The following CTNNA2 variants were observed in gnomAD, a reference collection of about 807,000 sequenced individuals.
The protein encoded by CTNNA2 is catenin alpha-2.
CTNNA2 carries 42 observed loss-of-function variants against 101.0 expected under a neutral mutation model. That is an observed-to-expected ratio of 0.42 (90% CI 0.32 to 0.54). CTNNA2 has a LOEUF of 0.54. Among genes scored for constraint, CTNNA2 ranks in the 20% least tolerant of loss-of-function variants. The pLI is 0.14. For missense variants in CTNNA2, 871 were observed against 1,223.1 expected (o/e 0.71, Z 4.29); for synonymous variants, 450 against 456.4 (o/e 0.99, Z 0.18).
chr2:79,602,352 A>T (rs184441271), intron 1 of CTNNA2, among the ~76,000 whole-genome samples: 3 of 149,592 alleles, frequency 2.0e-5, no homozygotes, highest in Admixed American at 1.3e-4. Context: ...TTCATGATTT[A>T]AAAAAAAAAC....
intron 9 of CTNNA2, among the ~76,000 whole-genome samples, chr2:80,498,963 C>A (rs541134340): frequency 6.6e-6 from 1 of 152,234 alleles, no homozygotes; most frequent in East Asian, 1.9e-4. Context: ...TCACACATAA[C>A]CCAGATGCAC....
At chr2:79,679,507 G>A (rs147618890) in intron 2 of CTNNA2, among the ~76,000 whole-genome samples, 38 of 151,968 alleles carry the variant, frequency 2.5e-4, no homozygotes, top group Admixed American at 1.0e-3. Flanking sequence ...TGGAGTCTCT[G>A]CCCTGTTCCC....
At chr2:80,569,932 G>T (rs901127771) in intron 12 of CTNNA2, among the ~76,000 whole-genome samples, 6 of 151,970 alleles carry the variant, frequency 3.9e-5, no homozygotes, top group Admixed American at 1.3e-4. Context: ...ATGAGCCAAG[G>T]CGCCTGGCCT....
chr2:80,225,105 C>T (rs1708802314), intron 7 of CTNNA2, among the ~76,000 whole-genome samples: 1 of 152,136 alleles, frequency 6.6e-6, no homozygotes, highest in African/African-American at 2.4e-5. Context: ...CCATGAGTGG[C>T]CCCACCAGTG....
At position 80,302,049 on chromosome 2, in the gene CTNNA2, GT is replaced by G. The variant is rs1235087005; in HGVS notation, c.1057-91156del. On this transcript the variant is annotated intron_variant, in intron 7 of 18. Transcript: ENST00000402739. The surrounding 1 kb of genome is among the most constrained non-coding windows in gnomAD (Gnocchi z 6.4). ...ACTGTCCTGAAGGTTGTGGGGTGGGGTTTTTTGTTGTGTTTTAATTCGCTTT... is the reference window on the plus strand; with the variant it reads ...ACTGTCCTGAAGGTTGTGGGGTGGGGTTTTTGTTGTGTTTTAATTCGCTTT... The G allele has an allele frequency of 4.6e-6, 3 of 647,178 alleles. No individual in the cohort carries two copies. The highest frequency in any genetic ancestry group is 1.8e-5 in the African/African-American group (1 of 54,986). 40.1% of individuals were successfully genotyped at this position (647,178 alleles called of 1,614,324 possible).
exon 4 of CTNNA2, chr2:79,373,952 G>C (rs1358910800): frequency 1.3e-5 from 2 of 152,126 alleles, no homozygotes; most frequent in Non-Finnish European, 1.5e-5. Context: ...CAGAATGAAC[G>C]TCAGAAGCAA....
chr2:80,006,359 TAAAAAA>T (rs5832428), intron 7 of CTNNA2, among the ~76,000 whole-genome samples: 1 of 139,054 alleles, frequency 7.2e-6, no homozygotes, highest in African/African-American at 2.7e-5. Context: ...AGAAGTGCAG[TAAAAAA>T]AAAAAAAAAG....
intron 9 of CTNNA2, among the ~76,000 whole-genome samples, chr2:80,421,820 A>C (rs1004483269): frequency 3.4e-4 from 52 of 151,292 alleles, no homozygotes; most frequent in African/African-American, 1.3e-3. Context: ...AAAAAAAAAA[A>C]CCCAAACTTG....
intron 9 of CTNNA2, among the ~76,000 whole-genome samples, chr2:80,537,452 G>A (rs1691139860): frequency 6.6e-6 from 1 of 152,178 alleles, no homozygotes; most frequent in Non-Finnish European, 1.5e-5. Context: ...TAATGGAATT[G>A]CTGAGTCAAA....
chr2:79,773,912 T>C (rs146806478), intron 3 of CTNNA2, among the ~76,000 whole-genome samples: 2 of 152,302 alleles, frequency 1.3e-5, no homozygotes, highest in African/African-American at 4.8e-5. Context: ...TTTGGGTTAG[T>C]GTAAAATCTT....
At chr2:79,194,309 T>G (rs1337167775) in intron 1 of CTNNA2, among the ~76,000 whole-genome samples, 1 of 152,164 alleles carries the variant, frequency 6.6e-6, no homozygotes, top group Non-Finnish European at 1.5e-5. Context: ...TTCAAGGGAT[T>G]GCAAGAAGGT....
intron 1 of CTNNA2, among the ~76,000 whole-genome samples, chr2:79,650,882 C>T (rs1379980781): frequency 2.7e-5 from 4 of 147,908 alleles, no homozygotes; most frequent in South Asian, 2.1e-4. Context: ...TGAGAATATG[C>T]GGTGTGTGGT....
chr2:80,140,394 C>G (rs1036568414), intron 7 of CTNNA2, among the ~76,000 whole-genome samples: 3 of 152,182 alleles, frequency 2.0e-5, no homozygotes, highest in African/African-American at 7.2e-5. Flanking sequence ...GGGTTCAAGT[C>G]TGACTTACAG....
intron 7 of CTNNA2, among the ~76,000 whole-genome samples, chr2:80,006,387 A>C (rs1180040069): frequency 6.6e-6 from 1 of 151,962 alleles, no homozygotes; most frequent in Non-Finnish European, 1.5e-5. Flanking sequence ...AAAAACAAAA[A>C]CTGAAGCACA....
chr2:79,468,142 T>G, intron 4 of CTNNA2, among the ~76,000 whole-genome samples: 1 of 152,218 alleles, frequency 6.6e-6, no homozygotes, highest in Non-Finnish European at 1.5e-5. Flanking sequence ...CCATCTTACA[T>G]GCAGAGACAC....
At chr2:80,203,872 G>C (rs377162380) in intron 7 of CTNNA2, among the ~76,000 whole-genome samples, 3 of 152,202 alleles carry the variant, frequency 2.0e-5, no homozygotes, top group Non-Finnish European at 4.4e-5. Context: ...GGGCATCCAG[G>C]CATTTTCATA....
At chr2:79,996,977 T>A (rs1428530296) in intron 7 of CTNNA2, among the ~76,000 whole-genome samples, 2 of 152,060 alleles carry the variant, frequency 1.3e-5, no homozygotes, top group Non-Finnish European at 2.9e-5. Context: ...CCCTAGCGGA[T>A]GGGAAAGAAG....
chr2:79,820,927 T>C (rs1391313697), intron 3 of CTNNA2, among the ~76,000 whole-genome samples: 1 of 152,202 alleles, frequency 6.6e-6, no homozygotes, highest in East Asian at 1.9e-4. Context: ...TTTTTAATGG[T>C]TGTTGTCTTT....
chr2:79,628,110 G>A (rs927354543), intron 1 of CTNNA2, among the ~76,000 whole-genome samples: 6 of 152,080 alleles, frequency 3.9e-5, no homozygotes, highest in Non-Finnish European at 5.9e-5. Flanking sequence ...TTTTGACCTA[G>A]GTTTTTCCTA....
Sources: allele counts gnomAD v4.1 joint callset (sites outside exome capture counted in the v4.1 genomes callset), GRCh38; gene constraint gnomAD v4.1.1; non-coding constraint Gnocchi (gnomAD v3.1); transcripts MANE v1.5; gene names NCBI Gene and HGNC (gene_info 2026-07-23, HGNC 2026-07-21).